The following MBD5 variants were observed in gnomAD, a reference collection of about 807,000 sequenced individuals.
MBD5 encodes methyl-CpG binding domain protein 5, also known as methyl-CpG-binding domain protein 5.
MBD5 carries 13 observed loss-of-function variants against 117.3 expected under a neutral mutation model. The observed-to-expected ratio is 0.11, with a 90% confidence interval of 0.07 to 0.18. The LOEUF is 0.18. Ranked by LOEUF, MBD5 falls within the 10% of genes least tolerant of loss-of-function variation. MBD5 has a pLI of 1.00. For synonymous variants in MBD5, 727 were observed against 766.4 expected, an observed-to-expected ratio of 0.95 and a Z score of 0.85; for missense variants, 1,879 against 2,093.8, an observed-to-expected ratio of 0.90 and a Z score of 2.00.
At chr2:148,298,886 A>G (rs1701716980) in intron 3 of MBD5, among the ~76,000 whole-genome samples, 1 of 152,170 alleles carries the variant, frequency 6.6e-6, no homozygotes, top group Admixed American at 6.5e-5. Context: ...TCTGTAGGTG[A>G]TATACAAGGA....
chr2:148,095,498 T>C (rs548558739), intron 1 of MBD5, among the ~76,000 whole-genome samples: 23 of 152,270 alleles, frequency 1.5e-4, no homozygotes, highest in Non-Finnish European at 3.1e-4. Flanking sequence ...ATTTACTTAG[T>C]ACCAAAGTGC....
intron 3 of MBD5, among the ~76,000 whole-genome samples, chr2:148,288,126 C>T (rs1701405911): frequency 2.0e-5 from 3 of 151,484 alleles, no homozygotes; most frequent in Admixed American, 6.6e-5. Context: ...TCTGGCCGGG[C>T]GCGGTGGCTC....
chr2:148,374,772 A>C (rs1703949700), intron 4 of MBD5, among the ~76,000 whole-genome samples: 1 of 152,190 alleles, frequency 6.6e-6, no homozygotes, highest in Non-Finnish European at 1.5e-5. Flanking sequence ...CATAGTACAA[A>C]TTATACTATC....
intron 3 of MBD5, among the ~76,000 whole-genome samples, chr2:148,339,317 C>A (rs1346386689): frequency 2.6e-5 from 4 of 152,078 alleles, no homozygotes; most frequent in Non-Finnish European, 1.5e-5. Context: ...CCTTTCCCAG[C>A]TTTCTTTCAC....
At chr2:148,143,310 A>T (rs1697362863) in intron 1 of MBD5, among the ~76,000 whole-genome samples, 1 of 152,174 alleles carries the variant, frequency 6.6e-6, no homozygotes, top group Admixed American at 6.6e-5. Context: ...ATTTAGAAAT[A>T]GGCTAGTCCC....
chr2:148,326,647 T>G (rs1287472981), intron 3 of MBD5, among the ~76,000 whole-genome samples: 1 of 152,014 alleles, frequency 6.6e-6, no homozygotes, highest in African/African-American at 2.4e-5. Context: ...TATCAGAGAC[T>G]AGGATTGCAA....
chr2:148,210,449 A>G (rs777542995), intron 2 of MBD5, among the ~76,000 whole-genome samples: 26 of 152,066 alleles, frequency 1.7e-4, no homozygotes, highest in Non-Finnish European at 2.5e-4. Flanking sequence ...GCTAAATTAC[A>G]CAGATCCAAT....
At chr2:148,039,364 A>T (rs1326473547) in intron 1 of MBD5, among the ~76,000 whole-genome samples, 1 of 152,160 alleles carries the variant, frequency 6.6e-6, no homozygotes, top group African/African-American at 2.4e-5. Flanking sequence ...GAAATTTAAT[A>T]CTTAAAAAAC....
chr2:148,028,968 A>G (rs1693970805), intron 1 of MBD5, among the ~76,000 whole-genome samples: 1 of 152,058 alleles, frequency 6.6e-6, no homozygotes, highest in Non-Finnish European at 1.5e-5. Flanking sequence ...TATGCTTCCC[A>G]TCTCTGTTCT....
At chr2:148,168,388 G>C (rs1467745272) in intron 1 of MBD5, among the ~76,000 whole-genome samples, 1 of 151,972 alleles carries the variant, frequency 6.6e-6, no homozygotes, top group East Asian at 1.9e-4. Context: ...ATAATTTCTG[G>C]CATTCTGGAA....
chr2:148,510,177 A>G (rs768618791), intron 13 of MBD5, 42 bp downstream of exon 13: 1 of 1,447,116 alleles, frequency 6.9e-7, no homozygotes, highest in Admixed American at 1.7e-5. Context: ...TTTCTTTGAA[A>G]ATAAATTGTG....
chr2:148,134,694 CT>C (rs1473590089), intron 1 of MBD5, among the ~76,000 whole-genome samples: 1 of 152,156 alleles, frequency 6.6e-6, no homozygotes, highest in African/African-American at 2.4e-5. Context: ...TAGTTCAATA[CT>C]TTTGGTTTTA....
In MBD5 at chr2:148,313,301, G is replaced by A. The variant is rs564854458; in HGVS notation, c.-679-28913G>A. On this transcript the variant is annotated intron_variant, in intron 3 of 13. Coordinates refer to ENST00000642680, the MANE Select transcript of MBD5 (RefSeq NM_001378120.1). ...TGTCCCAGGGAGGTGGGAGTTCTAT[G>A]TATAAGCCCCTGACTGGGGCTGCTG... 1.7e-4 allele frequency among the ~76,000 whole-genome samples: 26 copies of A among 152,334 alleles called. 1 individual carries two copies. Among genetic ancestry groups the A allele is most frequent in the Middle Eastern group, 3.4e-3 (1 of 294 alleles).
intron 1 of MBD5, among the ~76,000 whole-genome samples, chr2:148,092,380 C>T (rs143767681): frequency 1.3e-5 from 2 of 152,246 alleles, no homozygotes; most frequent in Non-Finnish European, 2.9e-5. Context: ...TATCTCAGCA[C>T]AATTTGCAAT....
chr2:148,047,022 C>T (rs1041412510), intron 1 of MBD5, among the ~76,000 whole-genome samples: 1 of 152,136 alleles, frequency 6.6e-6, no homozygotes, highest in Non-Finnish European at 1.5e-5. Context: ...TTATGTTGTG[C>T]TCCTTCAGGT....
intron 1 of MBD5, among the ~76,000 whole-genome samples, chr2:148,124,958 G>A (rs1358115402): frequency 6.6e-6 from 1 of 150,718 alleles, no homozygotes; most frequent in East Asian, 1.9e-4. Context: ...TGATATATAT[G>A]TAAAAATATA....
At chr2:148,262,612 G>T (rs1177230677) in intron 3 of MBD5, among the ~76,000 whole-genome samples, 1 of 152,162 alleles carries the variant, frequency 6.6e-6, no homozygotes, top group African/African-American at 2.4e-5. Flanking sequence ...ATTGAGCCCT[G>T]TGGGGTTAAG....
At position 148,458,206 on chromosome 2, in the gene MBD5, AC is replaced by A; in HGVS notation, c.-552del. 5.0e-6 allele frequency: 2 copies of A among 401,982 alleles called. No individual in the cohort carries two copies. The highest frequency in any genetic ancestry group is 4.4e-6 in the Non-Finnish European group (1 of 227,950). The allele number at this position is 401,982 out of a possible 1,614,324, so 24.9% of individuals were successfully genotyped here. The stretch of plus-strand genomic sequence containing the variant: ...CACATATTTACATATGTTTCAGGCT[AC>A]ATTATTGGAATTTTGAAGTCATGAA... On this transcript the variant is annotated 5_prime_UTR_variant, in exon 5 of 14. An upstream open reading frame in the 5' UTR gains an earlier in-frame stop. Coordinates refer to ENST00000642680, the MANE Select transcript of MBD5 (RefSeq NM_001378120.1).
At chr2:148,032,472 T>G (rs2105598856) in intron 1 of MBD5, among the ~76,000 whole-genome samples, 1 of 151,400 alleles carries the variant, frequency 6.6e-6, no homozygotes, top group East Asian at 1.9e-4. Context: ...AAGAAAAGAG[T>G]TTTCTGGGAA....
Sources: allele counts gnomAD v4.1 joint callset (sites outside exome capture counted in the v4.1 genomes callset), GRCh38; gene constraint gnomAD v4.1.1; transcripts MANE v1.5; gene names NCBI Gene and HGNC (gene_info 2026-07-23, HGNC 2026-07-21).